FUBP1: variants seen among roughly 807,000 people sequenced by gnomAD.
FUBP1 encodes the protein far upstream element binding protein 1, also known as far upstream element-binding protein 1.
FUBP1 carries 16 observed loss-of-function variants against 94.9 expected under a neutral mutation model. The ratio of observed to expected loss-of-function variants is 0.17; its 90% CI spans 0.11 to 0.26. FUBP1 has a LOEUF of 0.26. FUBP1 is among the 10% of genes least tolerant of loss of function. The probability of loss-of-function intolerance (pLI) is 1.00; values close to 1 mark genes in which losing one functional copy is unlikely to be tolerated. For missense variants in FUBP1, 583 were observed against 808.6 expected (o/e 0.72, Z 3.38); for synonymous variants, 279 against 254.9 (o/e 1.09, Z -0.90).
In FUBP1 at chr1:77,960,419, G is replaced by A. The variant is rs745845406; in HGVS notation, c.1421C>T (p.Pro474Leu). The change falls in exon 15 of 20, where the codon CCT (proline) becomes CTT (leucine). Residue 474 changes from proline (P) to leucine (L), a missense_variant. Pro to Leu is a moderately conservative substitution (Grantham distance 98). Transcript: ENST00000370768. ...TCCCATTGGAGTTCCAGGCCCTGGA[G>A]GCCCAGGAGGTCCATGGGGGCCTGG... Reference protein sequence around the residue: ...GVPGPHGPPGPPGPGTPMGPY... With the variant: ...GVPGPHGPPGLPGPGTPMGPY... 2 of 1,593,572 alleles carry A rather than the reference G, an allele frequency of 1.3e-6. No homozygotes were observed. Among genetic ancestry groups the A allele is most frequent in the East Asian group, 2.2e-5 (1 of 44,734 alleles).
chr1:77,962,972 T>G, intron 13 of FUBP1, 42 bp from the exon 14 acceptor site: 1 of 1,431,446 alleles, frequency 7.0e-7, no homozygotes, highest in Non-Finnish European at 9.7e-7. Flanking sequence ...GTTTCAAGGG[T>G]GTACTAGGAG....
chr1:77,954,875 G>A (rs919395075), intron 18 of FUBP1, among the ~76,000 whole-genome samples: 2 of 152,118 alleles, frequency 1.3e-5, no homozygotes, highest in African/African-American at 4.8e-5. Context: ...GTTACTTTCC[G>A]TCACTGCAGA....
chr1:77,959,768 A>G (rs1304585647), intron 16 of FUBP1, among the ~76,000 whole-genome samples: 1 of 152,174 alleles, frequency 6.6e-6, no homozygotes, highest in Non-Finnish European at 1.5e-5. Context: ...TCAGCCTCAG[A>G]CTTCTGAATA....
At chr1:77,968,306 A>G in intron 2 of FUBP1, 103 bp from the exon 3 acceptor site, 1 of 702,532 alleles carries the variant, frequency 1.4e-6, no homozygotes, top group Non-Finnish European at 2.3e-6. Flanking sequence ...GAAATATCTG[A>G]AGGTATGGTT....
At chr1:77,978,826 CTCAG>C in intron 1 of FUBP1, 55 bp downstream of exon 1, 1 of 1,603,570 alleles carries the variant, frequency 6.2e-7, no homozygotes, top group Non-Finnish European at 8.5e-7. Flanking sequence ...TAGCGGCCTA[CTCAG>C]TCAGCGGCCA....
At chr1:77,974,216 A>G (rs1211861194) in intron 1 of FUBP1, among the ~76,000 whole-genome samples, 2 of 150,548 alleles carry the variant, frequency 1.3e-5, no homozygotes, top group Non-Finnish European at 3.0e-5. Flanking sequence ...GTTCACTGCA[A>G]GCTCCACCTC....
chr1:77,968,249 G>A, intron 2 of FUBP1, 46 bp from the exon 3 acceptor site: 2 of 991,830 alleles, frequency 2.0e-6, no homozygotes, highest in Non-Finnish European at 3.1e-6. Context: ...TAAGTACAAA[G>A]CTTCTCCCCT....
In FUBP1 at chr1:77,947,333, C is replaced by T; in HGVS notation, c.*1433G>A. 2 of 371,974 alleles carry T rather than the reference C, an allele frequency of 5.4e-6. No homozygotes were observed. The highest frequency in any genetic ancestry group is 1.0e-5 in the Non-Finnish European group (2 of 191,770). 23.0% of individuals were successfully genotyped at this position (371,974 alleles called of 1,614,324 possible). ...AAATTAAGAGGCAGTTATGGTTTTC[C>T]AAGATATCAGCACTGTATTCCAACA... On this transcript the variant is annotated 3_prime_UTR_variant, in exon 20 of 20. Coordinates refer to ENST00000370768, the MANE Select transcript of FUBP1 (RefSeq NM_003902.5).
rs1210970144 is a variant in FUBP1, at chr1:77,948,177, A to G, written c.*589T>C. 1.9e-6 allele frequency: 2 copies of G among 1,037,904 alleles called. No homozygotes were observed. The highest frequency in any genetic ancestry group is 3.3e-5 in the African/African-American group (2 of 59,754). 64.3% of individuals were successfully genotyped at this position (1,037,904 alleles called of 1,614,324 possible). A position where few individuals can be genotyped will look rare whatever the true frequency, so the allele number is the denominator to read the frequency against. Reference sequence around the variant, plus strand: ...ATGCAGTTTTTAATCAAACAGAAGGAAAAAAAATGAAGATATCAGGATTAC... The same window carrying G: ...ATGCAGTTTTTAATCAAACAGAAGGGAAAAAAATGAAGATATCAGGATTAC... On this transcript the variant is annotated 3_prime_UTR_variant, in exon 20 of 20. Transcript: ENST00000370768.
intron 1 of FUBP1, among the ~76,000 whole-genome samples, chr1:77,974,577 T>C (rs775967554): frequency 6.6e-6 from 1 of 152,194 alleles, no homozygotes; most frequent in Non-Finnish European, 1.5e-5. Flanking sequence ...CTGATTTCTT[T>C]TCAAAGACAA....
chr1:77,970,609 A>G (rs1657340764), intron 1 of FUBP1, among the ~76,000 whole-genome samples: 1 of 152,340 alleles, frequency 6.6e-6, no homozygotes, highest in African/African-American at 2.4e-5. Flanking sequence ...TCTATTGGAC[A>G]ATGTTGTTCT....
intron 14 of FUBP1, among the ~76,000 whole-genome samples, chr1:77,961,052 T>C (rs1373140517): frequency 6.6e-6 from 1 of 152,244 alleles, no homozygotes; most frequent in Non-Finnish European, 1.5e-5. Flanking sequence ...CAATAATTTA[T>C]ATCCTTTTTG....
intron 14 of FUBP1, among the ~76,000 whole-genome samples, chr1:77,961,726 G>A (rs568193476): frequency 9.8e-5 from 15 of 152,306 alleles, no homozygotes; most frequent in Middle Eastern, 3.4e-3. Context: ...GTTTTTCCAT[G>A]AATCCAACAG....
chr1:77,970,648 C>T (rs1379804481), intron 1 of FUBP1, among the ~76,000 whole-genome samples: 2 of 151,916 alleles, frequency 1.3e-5, no homozygotes, highest in East Asian at 1.9e-4. Flanking sequence ...CCAGGGAGCT[C>T]GAGTCTTAAA....
At chr1:77,975,676 G>A (rs1037413243) in intron 1 of FUBP1, among the ~76,000 whole-genome samples, 11 of 152,122 alleles carry the variant, frequency 7.2e-5, no homozygotes, top group Non-Finnish European at 1.5e-4. Context: ...CAATGTTCTA[G>A]AGACAGAAGT....
At chr1:77,968,280 A>G in intron 2 of FUBP1, 77 bp from the exon 3 acceptor site, 1 of 807,482 alleles carries the variant, frequency 1.2e-6, no homozygotes, top group Non-Finnish European at 2.0e-6. Flanking sequence ...AATAAATAAC[A>G]ATATAAACAT....
chr1:77,965,542 G>C (rs1245502964), intron 7 of FUBP1, among the ~76,000 whole-genome samples: 1 of 152,102 alleles, frequency 6.6e-6, no homozygotes, highest in Non-Finnish European at 1.5e-5. Context: ...AGAACTAAAT[G>C]ATTTATTTAC....
At chr1:77,969,818 A>T (rs2102452531) in intron 2 of FUBP1, 107 bp downstream of exon 2, 1 of 498,270 alleles carries the variant, frequency 2.0e-6, no homozygotes, top group African/African-American at 2.0e-5. Context: ...AATTTTAACA[A>T]CCTTATAATA....
chr1:77,978,581 T>C (rs143488481), intron 1 of FUBP1, among the ~76,000 whole-genome samples: 111 of 152,366 alleles, frequency 7.3e-4, no homozygotes, highest in African/African-American at 2.5e-3. Context: ...CTTTATCCCC[T>C]GGAAGAGGAT....
Sources: gnomAD v4.1 joint callset for allele counts (sites outside exome capture counted in the v4.1 genomes callset) on GRCh38, gnomAD v4.1.1 for gene constraint, MANE v1.5 for transcripts, NCBI Gene and HGNC (gene_info 2026-07-23, HGNC 2026-07-21) for gene names.